Variants in MRPS5 observed in about 807,000 individuals in gnomAD.
MRPS5 encodes mitochondrial ribosomal protein S5, also known as small ribosomal subunit protein uS5m.
Under a neutral mutation model 51.9 loss-of-function variants are expected in MRPS5, and 27 were observed. The observed-to-expected ratio is 0.52, with a 90% CI of 0.38 to 0.72. The LOEUF is 0.72. MRPS5 is among the 30% of genes least tolerant of loss of function. MRPS5 has a pLI of 0.00. For missense variants in MRPS5, 570 were observed against 545.7 expected (o/e 1.04, Z -0.44); for synonymous variants, 196 against 193.2 (o/e 1.01, Z -0.12).
chr2:95,087,157 T>C lies in MRPS5; in HGVS notation c.*200A>G, dbSNP rs1202270815. 9.8e-6 allele frequency: 5 copies of C among 509,368 alleles called. No individual in the cohort carries two copies. The highest frequency in any genetic ancestry group is 1.7e-5 in the Non-Finnish European group (5 of 290,680). The allele number at this position is 509,368 out of a possible 1,614,324, so 31.6% of individuals were successfully genotyped here. On this transcript the variant is annotated 3_prime_UTR_variant, in exon 12 of 12. Coordinates refer to ENST00000272418, the MANE Select transcript of MRPS5 (RefSeq NM_031902.5). ...TATTTAAAGTAGTCTTGAACTGAGA[T>C]ATGTATGTAAAGGTTCTATCACATT...
intron 2 of MRPS5, 32 bp downstream of exon 2, chr2:95,117,833 T>C: frequency 6.6e-7 from 1 of 1,512,628 alleles, no homozygotes; most frequent in East Asian, 2.3e-5. Flanking sequence ...TTAGATCTTA[T>C]GAGAAAAGGT....
intron 5 of MRPS5, chr2:95,106,758 C>T (rs922603857): frequency 1.8e-5 from 8 of 448,686 alleles, no homozygotes; most frequent in Middle Eastern, 6.2e-4. Flanking sequence ...CTCCCTCTCA[C>T]GGCCTCTCCC....
chr2:95,100,269 C>G (rs1675757806), intron 10 of MRPS5, among the ~76,000 whole-genome samples: 1 of 152,206 alleles, frequency 6.6e-6, no homozygotes, highest in Non-Finnish European at 1.5e-5. Context: ...ATTCCTGGAA[C>G]AGGCCTGTGC....
At chr2:95,106,536 C>T in intron 5 of MRPS5, 79 bp from the exon 6 acceptor site, 1 of 1,161,850 alleles carries the variant, frequency 8.6e-7, no homozygotes, top group Non-Finnish European at 1.3e-6. Flanking sequence ...ACACAGGCAC[C>T]ATCACAGACC....
At chr2:95,111,337 T>G (rs897849349) in intron 3 of MRPS5, among the ~76,000 whole-genome samples, 47 of 152,354 alleles carry the variant, frequency 3.1e-4, no homozygotes, top group African/African-American at 1.1e-3. Flanking sequence ...ATAAATGCCA[T>G]GGAAAACTTG....
intron 10 of MRPS5, chr2:95,091,718 T>C (rs1675472509): frequency 6.6e-6 from 1 of 152,220 alleles, no homozygotes; most frequent in African/African-American, 2.4e-5. Context: ...TCAAAAACTA[T>C]TCCTTCTACT....
chr2:95,089,502 A>G (rs1214050046), intron 11 of MRPS5, among the ~76,000 whole-genome samples: 1 of 152,202 alleles, frequency 6.6e-6, no homozygotes, highest in Non-Finnish European at 1.5e-5. Context: ...GGAGCTGCCC[A>G]AGAATGGGGG....
At chr2:95,121,525 C>G (rs1419202615) in intron 1 of MRPS5, among the ~76,000 whole-genome samples, 1 of 152,238 alleles carries the variant, frequency 6.6e-6, no homozygotes, top group Non-Finnish European at 1.5e-5. Context: ...CCAGTTCCCC[C>G]TCATTTTACA....
In MRPS5 at chr2:95,085,496, T is replaced by C. The variant is rs138186009; in HGVS notation, c.*1861A>G. Among the ~76,000 whole-genome samples the C allele has an allele frequency of 9.2e-5, 14 of 152,314 alleles. No individual in the cohort carries two copies. The highest frequency in any genetic ancestry group is 1.8e-4 in the Non-Finnish European group (12 of 68,024). ...GTTTTAGGAAATAACTACCTTACTC[T>C]AGCAAAATACCACACACAAAAAAAG... On this transcript the variant is annotated 3_prime_UTR_variant, in exon 12 of 12. Coordinates refer to ENST00000272418, the MANE Select transcript of MRPS5 (RefSeq NM_031902.5).
At chr2:95,095,425 CT>C (rs990853973) in intron 10 of MRPS5, among the ~76,000 whole-genome samples, 3 of 152,256 alleles carry the variant, frequency 2.0e-5, no homozygotes, top group Non-Finnish European at 2.9e-5. Context: ...CCACATCGCA[CT>C]TATTCCAAAG....
intron 7 of MRPS5, chr2:95,103,882 T>C (rs992109303): frequency 3.3e-5 from 5 of 152,210 alleles, no homozygotes; most frequent in African/African-American, 1.2e-4. Context: ...GATAATAATA[T>C]GAACATAAAA....
At chr2:95,096,050 T>C (rs1465828920) in intron 10 of MRPS5, among the ~76,000 whole-genome samples, 4 of 152,192 alleles carry the variant, frequency 2.6e-5, no homozygotes, top group East Asian at 3.9e-4. Context: ...GAGAATACTA[T>C]AAACACCTCT....
chr2:95,095,859 G>A (rs1268399809), intron 10 of MRPS5, among the ~76,000 whole-genome samples: 1 of 152,048 alleles, frequency 6.6e-6, no homozygotes, highest in Non-Finnish European at 1.5e-5. Context: ...TAAGATCAGA[G>A]CAGCACTGAA....
At position 95,108,279 on chromosome 2, in the gene MRPS5, T is replaced by C. The variant is rs750278235; in HGVS notation, c.533A>G (p.Glu178Gly). Residue 178 changes from glutamate to glycine, a missense_variant, in exon 5 of 12, where the codon GAG (glutamate) becomes GGG (glycine). Transcript: ENST00000272418. The stretch of plus-strand genomic sequence containing the variant: ...CTTCATCTTCTTCTTTCGGTCCCAC[T>C]CTTCTCTCTGCTGGATCATGTCTGC... ...VEADMIQQRE[E>G]WDRKKKMKVK... 13 of 1,614,172 alleles carry C rather than the reference T, an allele frequency of 8.1e-6. 1 individual carries two copies. The South Asian group carries it at 1.3e-4, about 16-fold the overall frequency.
intron 10 of MRPS5, chr2:95,093,348 G>A (rs1296824767): frequency 6.6e-6 from 1 of 152,312 alleles, no homozygotes; most frequent in South Asian, 2.1e-4. Flanking sequence ...GCTCTGAAGA[G>A]AGCAGTGGTT....
chr2:95,100,446 C>G, intron 10 of MRPS5, 28 bp downstream of exon 10: 1 of 1,526,860 alleles, frequency 6.5e-7, no homozygotes, highest in Non-Finnish European at 9.1e-7. Flanking sequence ...GCTTTATCAT[C>G]AACAAATGGT....
rs758302629 is a variant in MRPS5, at chr2:95,117,956, G to GA, written c.59-12dup. 20,825 of 1,297,164 alleles carry GA rather than the reference G, an allele frequency of 0.016. No individual in the cohort carries two copies. Among genetic ancestry groups the GA allele is most frequent in the South Asian group, 0.019 (1,197 of 63,738 alleles). 80.4% of individuals were successfully genotyped at this position (1,297,164 alleles called of 1,614,324 possible). On this transcript the variant is annotated splice_polypyrimidine_tract_variant and intron_variant, in intron 1 of 11. Coordinates refer to ENST00000272418, the MANE Select transcript of MRPS5 (RefSeq NM_031902.5). The stretch of plus-strand genomic sequence containing the variant: ...TCCCCAATAAATGACCTGCAAATTG[G>GA]AAAAAAAAAAATTTAAGATACATTT...
At chr2:95,110,072 T>C (rs1349747339) in intron 3 of MRPS5, 31 bp from the exon 4 acceptor site, 1 of 1,597,764 alleles carries the variant, frequency 6.3e-7, no homozygotes, top group Non-Finnish European at 8.5e-7. Context: ...TTTTCTTAAT[T>C]CTGTAGTTTT....
At chr2:95,093,462 G>A (rs963303220) in intron 10 of MRPS5, 4 of 152,210 alleles carry the variant, frequency 2.6e-5, no homozygotes, top group African/African-American at 4.8e-5. Flanking sequence ...ACTAGGGACC[G>A]ACCGACACCT....
Sources: allele counts gnomAD v4.1 joint callset (sites outside exome capture counted in the v4.1 genomes callset), GRCh38; gene constraint gnomAD v4.1.1; transcripts MANE v1.5; gene names NCBI Gene and HGNC (gene_info 2026-07-23, HGNC 2026-07-21).